USP24: variants seen among roughly 807,000 people sequenced by gnomAD.
USP24 encodes the protein ubiquitin carboxyl-terminal hydrolase 24.
USP24 carries 97 observed loss-of-function variants against 361.6 expected under a neutral mutation model. That is an observed-to-expected ratio of 0.27 (90% CI 0.23 to 0.32). USP24 has a LOEUF of 0.32. Among genes scored for constraint, USP24 ranks in the 10% least tolerant of loss-of-function variants. The probability of loss-of-function intolerance (pLI) is 1.00; values close to 1 mark genes in which losing one functional copy is unlikely to be tolerated. For missense variants in USP24, 2,353 were observed against 3,165.6 expected (o/e 0.74, Z 6.16); for synonymous variants, 1,098 against 1,124.6 (o/e 0.98, Z 0.47).
chr1:55,180,389 C>A (rs955819949), intron 1 of USP24, among the ~76,000 whole-genome samples: 2 of 152,132 alleles, frequency 1.3e-5, no homozygotes, highest in African/African-American at 2.4e-5. Flanking sequence ...TGCAGAGGGC[C>A]CGTATGGTTG....
Position 55,068,779 on chromosome 1 carries a change from A to G in USP24, c.*266T>C. On this transcript the variant is annotated 3_prime_UTR_variant, in exon 68 of 68. Coordinates refer to ENST00000294383, the MANE Select transcript of USP24 (RefSeq NM_015306.3). ...GTCTGCCACTGGCTCTATTTCCGAA[A>G]ATCTCCACAGAAATGTGAATCCACA... The G allele has an allele frequency of 2.3e-6, 1 of 432,892 alleles. No homozygotes were observed. The highest frequency in any genetic ancestry group is 4.1e-6 in the Non-Finnish European group (1 of 245,276). 26.8% of individuals were successfully genotyped at this position (432,892 alleles called of 1,614,324 possible). A position where few individuals can be genotyped will look rare whatever the true frequency, so the allele number is the denominator to read the frequency against.
At chr1:55,100,719 A>T in intron 44 of USP24, 120 bp downstream of exon 44, 1 of 1,093,550 alleles carries the variant, frequency 9.1e-7, no homozygotes, top group Non-Finnish European at 1.2e-6. Flanking sequence ...AAATCCTTTT[A>T]CAGTTTCTTG....
chr1:55,215,042 G>A lies in USP24; in HGVS notation c.72C>T (p.Arg24=). 1 of 1,469,912 alleles carries A rather than the reference G, an allele frequency of 6.8e-7. No homozygotes were observed. 91.1% of individuals were successfully genotyped at this position (1,469,912 alleles called of 1,614,324 possible). A position where few individuals can be genotyped will look rare whatever the true frequency, so the allele number is the denominator to read the frequency against. ...CMGFSDPATI[R]KALRLAKNDI... ...CGTTCTTGGCCAGGCGCAGGGCCTT[G>A]CGGATGGTGGCGGGGTCTGAGAAGC... Residue 24 remains arginine (R), a synonymous_variant, in exon 1 of 68, where the codon CGC becomes CGT. Transcript: ENST00000294383.
chr1:55,157,177 A>C lies in USP24; in HGVS notation c.1342+79T>G, dbSNP rs753143518. 5.1e-6 allele frequency: 7 copies of C among 1,363,316 alleles called. No individual in the cohort carries two copies. The East Asian group carries it at 1.4e-4, about 28-fold the overall frequency. 84.5% of individuals were successfully genotyped at this position (1,363,316 alleles called of 1,614,324 possible). A position where few individuals can be genotyped will look rare whatever the true frequency, so the allele number is the denominator to read the frequency against. The stretch of plus-strand genomic sequence containing the variant: ...TAAAGACTAATACAGTCAAAGCAAC[A>C]ATTTTGTATACTTTTTAATACAAAG... On this transcript the variant is annotated intron_variant, in intron 11 of 67. Transcript: ENST00000294383.
intron 8 of USP24, among the ~76,000 whole-genome samples, chr1:55,160,995 A>G (rs890150169): frequency 2.0e-5 from 3 of 152,192 alleles, no homozygotes; most frequent in African/African-American, 7.2e-5. Flanking sequence ...TACAGAATGG[A>G]GAAATATGTA....
chr1:55,090,023 C>T (rs779226530), intron 54 of USP24, among the ~76,000 whole-genome samples: 2 of 152,196 alleles, frequency 1.3e-5, no homozygotes, highest in African/African-American at 4.8e-5. Context: ...ACTTTACCTT[C>T]CTTCTGCATC....
rs1646625851 is a variant in USP24 at position 55,132,665 on chromosome 1, TGAG to T, written c.3414_3416del (p.Ser1139del). 1 of 1,613,650 alleles carries T rather than the reference TGAG, an allele frequency of 6.2e-7. No individual in the cohort carries two copies. Among genetic ancestry groups the T allele is most frequent in the Non-Finnish European group, 8.5e-7 (1 of 1,179,712 alleles). On this transcript the variant is annotated inframe_deletion, in exon 31 of 68. Transcript: ENST00000294383. The stretch of plus-strand genomic sequence containing the variant: ...GCTTTGATGACAGGGATGGAGATTT[TGAG>T]GACTGAGAACTTGATTCAGACAGCA...
intron 1 of USP24, among the ~76,000 whole-genome samples, 165 bp from the exon 2 acceptor site, chr1:55,178,297 C>G (rs568478019): frequency 6.6e-6 from 1 of 152,248 alleles, no homozygotes; most frequent in African/African-American, 2.4e-5. Flanking sequence ...CCAAGAATAT[C>G]TCAAATATTC....
At chr1:55,089,492 A>C in intron 55 of USP24, 135 bp downstream of exon 55, 1 of 639,560 alleles carries the variant, frequency 1.6e-6, no homozygotes, top group Non-Finnish European at 2.7e-6. Flanking sequence ...TCACTGTTTC[A>C]GTGAAGAGAG....
rs1327756066 is a variant in USP24 at position 55,215,331 on chromosome 1, G to C, written c.-218C>G. 6.6e-6 allele frequency among the ~76,000 whole-genome samples: 1 copy of C among 151,848 alleles called. No individual in the cohort carries two copies. Among genetic ancestry groups the C allele is most frequent in the Non-Finnish European group, 1.5e-5 (1 of 67,916 alleles). ...AGGCGCTCAGGCGCGGCTGCGGCCC[G>C]GCCCAGCCCTGCGCGCCGCCATGTT... On this transcript the variant is annotated 5_prime_UTR_variant, in exon 1 of 68. Coordinates refer to ENST00000294383, the MANE Select transcript of USP24 (RefSeq NM_015306.3).
chr1:55,109,351 T>C (rs1470160560), intron 39 of USP24, among the ~76,000 whole-genome samples: 1 of 152,352 alleles, frequency 6.6e-6, no homozygotes, highest in East Asian at 1.9e-4. Context: ...TGAGGATTAT[T>C]AGTCACTGTC....
intron 1 of USP24, among the ~76,000 whole-genome samples, chr1:55,182,837 C>G (rs1267478525): frequency 1.3e-5 from 2 of 152,142 alleles, no homozygotes; most frequent in African/African-American, 4.8e-5. Flanking sequence ...GCCTCACCCT[C>G]CCGAGTAGCT....
intron 9 of USP24, 143 bp from the exon 10 acceptor site, chr1:55,159,179 T>G (rs2100758124): frequency 1.3e-6 from 1 of 783,872 alleles, no homozygotes; most frequent in Non-Finnish European, 1.8e-6. Context: ...TTCATTTTGC[T>G]TAGAAACAAA....
intron 43 of USP24, 54 bp from the exon 44 acceptor site, chr1:55,101,018 A>C (rs1444971325): frequency 8.2e-6 from 13 of 1,582,686 alleles, no homozygotes; most frequent in Non-Finnish European, 1.0e-5. Context: ...CTTCACAGGA[A>C]ACTCTGACAT....
chr1:55,097,922 T>C, intron 47 of USP24, 21 bp downstream of exon 47: 1 of 1,575,514 alleles, frequency 6.3e-7, no homozygotes. Context: ...TCTTGTTTTT[T>C]AAAAAGGGCA....
intron 41 of USP24, among the ~76,000 whole-genome samples, chr1:55,104,320 G>T (rs1214506588): frequency 6.6e-6 from 1 of 152,146 alleles, no homozygotes; most frequent in African/African-American, 2.4e-5. Flanking sequence ...CTGTAATAAA[G>T]ATGACATGGG....
At chr1:55,075,345 G>GT (rs1317245220) in intron 63 of USP24, 112 bp downstream of exon 63, 2 of 1,033,856 alleles carry the variant, frequency 1.9e-6, no homozygotes, top group African/African-American at 3.3e-5. Flanking sequence ...GACTTCTACT[G>GT]TATCAGTCAC....
chr1:55,129,653 C>A lies in USP24; in HGVS notation c.3538-79G>T, dbSNP rs1646535407. 2.6e-6 allele frequency: 3 copies of A among 1,142,988 alleles called. No individual in the cohort carries two copies. The African/African-American group carries it at 4.6e-5, about 17-fold the overall frequency. 70.8% of individuals were successfully genotyped at this position (1,142,988 alleles called of 1,614,324 possible). On this transcript the variant is annotated intron_variant, in intron 31 of 67. Transcript: ENST00000294383. ...TCCTTTACTAAATAAAACATTCAGA[C>A]AACTTGAGTTAGAATCTCTTTAAAT...
intron 62 of USP24, 108 bp from the exon 63 acceptor site, chr1:55,075,631 A>G (rs1010281521): frequency 1.8e-5 from 8 of 454,548 alleles, no homozygotes; most frequent in African/African-American, 1.1e-4. Flanking sequence ...GTTTGACAAC[A>G]ACAACAACAA....
Sources: allele counts gnomAD v4.1 joint callset (sites outside exome capture counted in the v4.1 genomes callset), GRCh38; gene constraint gnomAD v4.1.1; transcripts MANE v1.5; gene names NCBI Gene and HGNC (gene_info 2026-07-23, HGNC 2026-07-21).